STPG2: variants seen among roughly 807,000 people sequenced by gnomAD.
STPG2 encodes sperm tail PG-rich repeat containing 2, also known as sperm-tail PG-rich repeat-containing protein 2.
STPG2 carries 56 observed loss-of-function variants against 54.2 expected under a neutral mutation model. That is an observed-to-expected ratio of 1.03 (90% CI 0.83 to 1.29). The LOEUF (loss-of-function observed/expected upper bound fraction) is 1.29, where lower values mean the gene tolerates loss of function less well. Among genes scored for constraint, STPG2 ranks in the 50% most tolerant of loss-of-function variants. The pLI is 0.00. For synonymous variants in STPG2, 200 were observed against 181.8 expected, an observed-to-expected ratio of 1.10 and a Z score of -0.81; for missense variants, 596 against 544.9, an observed-to-expected ratio of 1.09 and a Z score of -0.93.
chr4:97,761,045 A>G (rs986142742), intron 9 of STPG2, among the ~76,000 whole-genome samples: 1 of 152,128 alleles, frequency 6.6e-6, no homozygotes, highest in East Asian at 1.9e-4. Flanking sequence ...ATAAAAACCT[A>G]TGAGACTACA....
At chr4:97,835,473 G>T (rs369023175) in intron 9 of STPG2, among the ~76,000 whole-genome samples, 2 of 152,030 alleles carry the variant, frequency 1.3e-5, no homozygotes, top group Non-Finnish European at 1.5e-5. Flanking sequence ...TAATAAACTT[G>T]CTTTCACTTA....
chr4:98,059,964 T>C lies in STPG2; in HGVS notation c.612+45989A>G, dbSNP rs148945932. On this transcript the variant is annotated intron_variant, in intron 5 of 10. Transcript: ENST00000295268. The stretch of plus-strand genomic sequence containing the variant: ...AACCCACAGCCAATATTATACTGAA[T>C]AGGCAAATGCTGGAAGCATTCTCCT... Among the ~76,000 whole-genome samples, 1,204 of 152,260 alleles carry C rather than the reference T, an allele frequency of 7.9e-3. 14 individuals are homozygous for C. The highest frequency in any genetic ancestry group is 0.027 in the African/African-American group (1,136 of 41,558).
chr4:97,608,559 G>A (rs568966229), intron 10 of STPG2, among the ~76,000 whole-genome samples: 7 of 152,132 alleles, frequency 4.6e-5, no homozygotes, highest in African/African-American at 1.7e-4. Context: ...TGCCTAAAAT[G>A]TTGAAATGTA....
intron 7 of STPG2, among the ~76,000 whole-genome samples, chr4:97,959,700 A>AT (rs1176178099): frequency 6.6e-6 from 1 of 151,924 alleles, no homozygotes; most frequent in Non-Finnish European, 1.5e-5. Context: ...TGAAATGGTA[A>AT]TAAAAACTTA....
At chr4:98,000,853 T>C (rs536343127) in intron 5 of STPG2, among the ~76,000 whole-genome samples, 51 of 152,278 alleles carry the variant, frequency 3.3e-4, no homozygotes, top group African/African-American at 1.2e-3. Flanking sequence ...AATCATATAC[T>C]AGTTAGCTGA....
chr4:97,756,298 G>A (rs76277850), intron 9 of STPG2, among the ~76,000 whole-genome samples: 1,895 of 152,068 alleles, frequency 0.012, 35 homozygotes, highest in African/African-American at 0.044. Flanking sequence ...CCAATTCCCT[G>A]TAGTTTTGTT....
chr4:97,750,290 C>A (rs1272719700), intron 9 of STPG2, among the ~76,000 whole-genome samples: 1 of 151,774 alleles, frequency 6.6e-6, no homozygotes, highest in Non-Finnish European at 1.5e-5. Context: ...CTACATTCCA[C>A]AAGACAAAGC....
chr4:97,637,651 G>A (rs1721604521), intron 10 of STPG2, among the ~76,000 whole-genome samples: 1 of 152,092 alleles, frequency 6.6e-6, no homozygotes, highest in Non-Finnish European at 1.5e-5. Flanking sequence ...AAAGTCTCAG[G>A]ATACAAAATC....
intron 8 of STPG2, among the ~76,000 whole-genome samples, chr4:97,847,285 T>G (rs1036940456): frequency 6.6e-6 from 1 of 152,164 alleles, no homozygotes; most frequent in Non-Finnish European, 1.5e-5. Context: ...AGGTCATCCT[T>G]GCCATTTTAA....
chr4:98,049,134 T>A (rs1337010350), intron 5 of STPG2: 1 of 152,164 alleles, frequency 6.6e-6, no homozygotes, highest in Non-Finnish European at 1.5e-5. Context: ...AAAAACTTAA[T>A]TCCTTTTTCC....
intron 4 of STPG2, among the ~76,000 whole-genome samples, chr4:97,520,939 G>T (rs1049392001): frequency 6.6e-6 from 1 of 151,794 alleles, no homozygotes; most frequent in Non-Finnish European, 1.5e-5. Context: ...AATTACTCTT[G>T]GTTTGATTAG....
chr4:97,821,015 G>A (rs2149104648), intron 9 of STPG2, among the ~76,000 whole-genome samples: 1 of 152,120 alleles, frequency 6.6e-6, no homozygotes, highest in African/African-American at 2.4e-5. Context: ...TTTCCAATAG[G>A]TTCCCAAACT....
intron 10 of STPG2, among the ~76,000 whole-genome samples, chr4:97,686,930 T>G (rs6856238): frequency 0.47 from 70,011 of 148,748 alleles, 17,437 homozygotes; most frequent in South Asian, 0.64. Context: ...CTAATTATTA[T>G]TATTATTATT....
At chr4:98,062,109 T>A (rs1192661302) in intron 5 of STPG2, among the ~76,000 whole-genome samples, 2 of 152,192 alleles carry the variant, frequency 1.3e-5, no homozygotes, top group African/African-American at 4.8e-5. Context: ...TGGAATACTA[T>A]GCAGCCATAA....
intron 8 of STPG2, among the ~76,000 whole-genome samples, chr4:97,885,017 T>G (rs1406509332): frequency 6.6e-6 from 1 of 152,044 alleles, no homozygotes; most frequent in Non-Finnish European, 1.5e-5. Context: ...AAAGACATAA[T>G]TATAAAAACA....
intron 4 of STPG2, among the ~76,000 whole-genome samples, chr4:97,536,793 G>T (rs1291535700): frequency 6.6e-6 from 1 of 152,144 alleles, no homozygotes; most frequent in African/African-American, 2.4e-5. Flanking sequence ...TCTAAAGGGT[G>T]CTCCATCATG....
chr4:97,688,409 C>T (rs2148985975), intron 10 of STPG2, among the ~76,000 whole-genome samples: 1 of 152,218 alleles, frequency 6.6e-6, no homozygotes, highest in East Asian at 1.9e-4. Context: ...CTCTGTCACC[C>T]AGGCTGGAGT....
At chr4:97,823,643 G>T (rs931525206) in intron 9 of STPG2, among the ~76,000 whole-genome samples, 1 of 152,000 alleles carries the variant, frequency 6.6e-6, no homozygotes, top group Non-Finnish European at 1.5e-5. Flanking sequence ...CATCTCTTGG[G>T]GTCTGGATTT....
chr4:97,862,315 A>G (rs2149142496), intron 8 of STPG2, among the ~76,000 whole-genome samples: 1 of 152,300 alleles, frequency 6.6e-6, no homozygotes, highest in East Asian at 1.9e-4. Flanking sequence ...GATAAAACAG[A>G]CTTTAAACCA....
Sources: allele counts gnomAD v4.1 joint callset (sites outside exome capture counted in the v4.1 genomes callset), GRCh38; gene constraint gnomAD v4.1.1; transcripts MANE v1.5; gene names NCBI Gene and HGNC (gene_info 2026-07-23, HGNC 2026-07-21).